The following KIAA0825 variants were observed in gnomAD, a reference collection of about 807,000 sequenced individuals.
KIAA0825 encodes the protein uncharacterized protein KIAA0825.
In KIAA0825, 119 loss-of-function variants were observed where a neutral mutation model predicts 147.6. The observed-to-expected ratio is 0.81, with a 90% CI of 0.69 to 0.94. The LOEUF is 0.94. Among genes scored for constraint, KIAA0825 ranks in the 40% least tolerant of loss-of-function variants. The pLI is 0.00. For synonymous variants in KIAA0825, 470 were observed against 518.1 expected (o/e 0.91, Z 1.26); for missense variants, 1,381 against 1,472.7 (o/e 0.94, Z 1.02).
intron 20 of KIAA0825, among the ~76,000 whole-genome samples, chr5:94,329,624 T>TA (rs1266809206): frequency 6.6e-6 from 1 of 151,828 alleles, no homozygotes; most frequent in Non-Finnish European, 1.5e-5. Flanking sequence ...CTAGACAAAA[T>TA]AAAAAACAAA....
chr5:94,198,499 C>G (rs1389566823), intron 20 of KIAA0825, among the ~76,000 whole-genome samples: 1 of 126,622 alleles, frequency 7.9e-6, no homozygotes, highest in East Asian at 2.1e-4. Flanking sequence ...AACACAGGAA[C>G]AGAAAACCAA....
At chr5:94,355,519 C>T (rs1784150055) in intron 20 of KIAA0825, among the ~76,000 whole-genome samples, 2 of 152,120 alleles carry the variant, frequency 1.3e-5, no homozygotes, top group Admixed American at 6.5e-5. Context: ...CATGATTCCC[C>T]AGACCCGTTA....
intron 2 of KIAA0825, among the ~76,000 whole-genome samples, chr5:94,566,574 A>G (rs564256379): frequency 6.6e-6 from 1 of 152,200 alleles, no homozygotes; most frequent in African/African-American, 2.4e-5. Flanking sequence ...TGCATACTTT[A>G]ATGAGTTTCT....
intron 5 of KIAA0825, among the ~76,000 whole-genome samples, chr5:94,499,747 T>C (rs1186937249): frequency 6.6e-6 from 1 of 152,144 alleles, no homozygotes; most frequent in Non-Finnish European, 1.5e-5. Context: ...AAGAAAATGG[T>C]TCAGTTAAGA....
chr5:94,475,527 G>A (rs1761773744), intron 7 of KIAA0825, among the ~76,000 whole-genome samples: 1 of 152,100 alleles, frequency 6.6e-6, no homozygotes. Context: ...AAAACTGAAG[G>A]CCAGGCATGA....
At chr5:94,364,389 C>T (rs113476673) in intron 20 of KIAA0825, among the ~76,000 whole-genome samples, 5,941 of 146,110 alleles carry the variant, frequency 0.041, 158 homozygotes, top group Middle Eastern at 0.084. Flanking sequence ...CATTTCTTTT[C>T]TTTTTTTTTT....
intron 12 of KIAA0825, among the ~76,000 whole-genome samples, chr5:94,458,026 A>T (rs1031843059): frequency 1.3e-5 from 2 of 152,174 alleles, no homozygotes; most frequent in African/African-American, 4.8e-5. Context: ...AAACTGAATG[A>T]CTAAGATAGC....
At chr5:94,440,788 C>CT (rs1756980584) in intron 13 of KIAA0825, among the ~76,000 whole-genome samples, 1 of 152,044 alleles carries the variant, frequency 6.6e-6, no homozygotes, top group South Asian at 2.1e-4. Context: ...CACATCACCA[C>CT]TTTCATTTAC....
intron 20 of KIAA0825, among the ~76,000 whole-genome samples, chr5:94,256,047 G>A (rs1776237403): frequency 6.6e-6 from 1 of 151,934 alleles, no homozygotes; most frequent in African/African-American, 2.4e-5. Context: ...AAGTATACCT[G>A]TAAAGCTTTG....
At chr5:94,469,802 A>G (rs1237768954) in intron 10 of KIAA0825, among the ~76,000 whole-genome samples, 159 bp downstream of exon 10, 1 of 152,236 alleles carries the variant, frequency 6.6e-6, no homozygotes, top group Non-Finnish European at 1.5e-5. Flanking sequence ...TTTTAAAAAC[A>G]CTGTTTTTCC....
At chr5:94,404,980 A>C (rs1364680777) in intron 15 of KIAA0825, among the ~76,000 whole-genome samples, 2 of 152,176 alleles carry the variant, frequency 1.3e-5, no homozygotes, top group Non-Finnish European at 2.9e-5. Flanking sequence ...GACTCCTAAG[A>C]AGAAAATAAC....
chr5:94,497,483 T>C (rs1182316074), intron 5 of KIAA0825, among the ~76,000 whole-genome samples: 1 of 152,214 alleles, frequency 6.6e-6, no homozygotes, highest in Non-Finnish European at 1.5e-5. Context: ...AAAGCACGAA[T>C]ACTACAATTT....
intron 20 of KIAA0825, among the ~76,000 whole-genome samples, chr5:94,170,890 C>T (rs896168431): frequency 6.6e-6 from 1 of 152,150 alleles, no homozygotes; most frequent in Non-Finnish European, 1.5e-5. Context: ...GTGTGCTCAT[C>T]ACATCATTCA....
At chr5:94,350,934 TG>T (rs1304953488) in intron 20 of KIAA0825, among the ~76,000 whole-genome samples, 7 of 150,372 alleles carry the variant, frequency 4.7e-5, no homozygotes, top group Non-Finnish European at 1.0e-4. Flanking sequence ...TTGCCCACGC[TG>T]GAGTGCAATG....
chr5:94,183,331 T>A (rs1000596717), intron 20 of KIAA0825, among the ~76,000 whole-genome samples: 1 of 152,164 alleles, frequency 6.6e-6, no homozygotes, highest in African/African-American at 2.4e-5. Context: ...GACACAGAGC[T>A]CCTAAAACCC....
At chr5:94,591,432 C>T (rs1157328754) in intron 1 of KIAA0825, among the ~76,000 whole-genome samples, 1 of 152,162 alleles carries the variant, frequency 6.6e-6, no homozygotes, top group Admixed American at 6.5e-5. Context: ...AAATGATATG[C>T]TTCAAGACAT....
intron 20 of KIAA0825, among the ~76,000 whole-genome samples, chr5:94,233,433 A>G (rs940514652): frequency 6.6e-6 from 1 of 152,204 alleles, no homozygotes; most frequent in African/African-American, 2.4e-5. Flanking sequence ...ACTTAAATTT[A>G]TCTCTCATTT....
chr5:94,501,570 G>A (rs1320981683), intron 5 of KIAA0825, among the ~76,000 whole-genome samples: 1 of 152,204 alleles, frequency 6.6e-6, no homozygotes, highest in African/African-American at 2.4e-5. Context: ...CTTTTGTCCA[G>A]GCTTCTTTTT....
intron 1 of KIAA0825, among the ~76,000 whole-genome samples, chr5:94,616,592 G>A (rs1391168920): frequency 2.6e-5 from 4 of 152,078 alleles, no homozygotes; most frequent in East Asian, 1.9e-4. Context: ...GTGAAAAGCT[G>A]TCTAAAGAGA....
Sources: gnomAD v4.1 joint callset for allele counts (sites outside exome capture counted in the v4.1 genomes callset) on GRCh38, gnomAD v4.1.1 for gene constraint, MANE v1.5 for transcripts, NCBI Gene and HGNC (gene_info 2026-07-23, HGNC 2026-07-21) for gene names.